MTHFD1L: variants seen among roughly 807,000 people sequenced by gnomAD.
The protein encoded by MTHFD1L is monofunctional C1-tetrahydrofolate synthase, mitochondrial.
In MTHFD1L, 81 loss-of-function variants were observed where a neutral mutation model predicts 119.5. That is an observed-to-expected ratio of 0.68 (90% CI 0.57 to 0.82). The LOEUF is 0.82. MTHFD1L is among the 40% of genes least tolerant of loss of function. The pLI, the probability that MTHFD1L is intolerant of heterozygous loss-of-function variation, is 0.00. For synonymous variants in MTHFD1L, 430 were observed against 475.2 expected (o/e 0.90, Z 1.24); for missense variants, 1,125 against 1,253.4 (o/e 0.90, Z 1.55).
intron 10 of MTHFD1L, among the ~76,000 whole-genome samples, chr6:150,924,531 C>T (rs1471020753): frequency 2.0e-5 from 3 of 152,036 alleles, no homozygotes; most frequent in Non-Finnish European, 1.5e-5. Context: ...GGCTGGAGTG[C>T]AGTGGTGCAA....
intron 26 of MTHFD1L, among the ~76,000 whole-genome samples, chr6:151,073,689 A>T (rs75705150): frequency 1.9e-4 from 3 of 16,090 alleles, no homozygotes; most frequent in South Asian, 8.5e-3. Context: ...CTGAAATGAT[A>T]AAAAAAAAAA....
At position 150,873,362 on chromosome 6, in the gene MTHFD1L, A is replaced by G. The variant is rs74295844; in HGVS notation, c.228-2728A>G. 1.3e-3 allele frequency among the ~76,000 whole-genome samples: 198 copies of G among 152,296 alleles called. 5 individuals are homozygous for G. The East Asian group carries it at 0.033, about 26-fold the overall frequency. On this transcript the variant is annotated intron_variant, in intron 1 of 27. Transcript: ENST00000367321. ...TTTCATCAACTATGAATGGATCAAG[A>G]CTATGAATGTTTCTGAGAAAATTAT...
At chr6:151,023,117 G>A (rs1784178554) in intron 24 of MTHFD1L, among the ~76,000 whole-genome samples, 1 of 151,254 alleles carries the variant, frequency 6.6e-6, no homozygotes, top group Admixed American at 6.6e-5. Context: ...CACGATCTCG[G>A]CTCACTGCAA....
intron 27 of MTHFD1L, 90 bp downstream of exon 27, chr6:151,092,677 G>A: frequency 2.8e-6 from 2 of 717,514 alleles, no homozygotes; most frequent in Non-Finnish European, 2.3e-6. Context: ...TACCACAGAA[G>A]TGATCTGATA....
intron 11 of MTHFD1L, chr6:150,935,033 A>G: frequency 6.2e-7 from 1 of 1,612,656 alleles, no homozygotes; most frequent in Non-Finnish European, 8.5e-7. Context: ...GTCCTTCCAC[A>G]TTGTTATTCT....
intron 7 of MTHFD1L, among the ~76,000 whole-genome samples, chr6:150,897,308 C>T (rs1784395171): frequency 6.6e-6 from 1 of 152,154 alleles, no homozygotes; most frequent in South Asian, 2.1e-4. Flanking sequence ...TTATGATGCC[C>T]TTCCTGTACC....
chr6:151,009,546 C>T (rs1190693754), intron 20 of MTHFD1L, among the ~76,000 whole-genome samples: 7 of 149,172 alleles, frequency 4.7e-5, no homozygotes, highest in Non-Finnish European at 1.0e-4. Context: ...AAAAAAAAAG[C>T]TTCACTGTGA....
At chr6:150,876,520 T>C (rs1238064534) in intron 2 of MTHFD1L, among the ~76,000 whole-genome samples, 2 of 152,262 alleles carry the variant, frequency 1.3e-5, no homozygotes, top group Non-Finnish European at 2.9e-5. Context: ...AGTGGCACTT[T>C]GTTTCAATGG....
intron 26 of MTHFD1L, among the ~76,000 whole-genome samples, chr6:151,073,236 T>A (rs1344752509): frequency 6.6e-6 from 1 of 152,146 alleles, no homozygotes; most frequent in Non-Finnish European, 1.5e-5. Context: ...AGAGTCCTCC[T>A]TGAGCATGCA....
rs138704207 is a variant in MTHFD1L at position 150,900,377 on chromosome 6, G to A, written c.781-5273G>A. ...ACATGGTGGTCTCCATCATCTGTTCGTTATCTCTAACCATTTAAGATTAGT... is the reference window on the plus strand; with the variant it reads ...ACATGGTGGTCTCCATCATCTGTTCATTATCTCTAACCATTTAAGATTAGT... On this transcript the variant is annotated intron_variant, in intron 7 of 27. Coordinates refer to ENST00000367321, the MANE Select transcript of MTHFD1L (RefSeq NM_015440.5). Among the ~76,000 whole-genome samples, 566 of 152,068 alleles carry A rather than the reference G, an allele frequency of 3.7e-3. 3 individuals carry two copies. The highest frequency in any genetic ancestry group is 0.011 in the African/African-American group (465 of 41,496).
chr6:151,093,635 G>A (rs191222739), intron 27 of MTHFD1L, among the ~76,000 whole-genome samples: 42 of 151,970 alleles, frequency 2.8e-4, no homozygotes, highest in African/African-American at 6.0e-4. Context: ...CAGCCTGGGC[G>A]ACAGAGCAAG....
At chr6:151,052,464 G>A (rs1185710326) in intron 26 of MTHFD1L, among the ~76,000 whole-genome samples, 1 of 152,102 alleles carries the variant, frequency 6.6e-6, no homozygotes, top group Non-Finnish European at 1.5e-5. Flanking sequence ...GGATGCCAAG[G>A]GATACAGAAG....
chr6:150,934,908 G>C, intron 11 of MTHFD1L: 1 of 1,509,594 alleles, frequency 6.6e-7, no homozygotes, highest in Non-Finnish European at 8.8e-7. Context: ...GCTACCAAGA[G>C]AAATTCTAAA....
At chr6:151,052,975 G>C (rs113625774) in intron 26 of MTHFD1L, among the ~76,000 whole-genome samples, 26 of 152,238 alleles carry the variant, frequency 1.7e-4, no homozygotes, top group African/African-American at 6.0e-4. Flanking sequence ...GTCGTGGGGT[G>C]GGTCTATACC....
chr6:150,906,102 C>T (rs1785856369), intron 8 of MTHFD1L, among the ~76,000 whole-genome samples: 1 of 152,212 alleles, frequency 6.6e-6, no homozygotes, highest in Non-Finnish European at 1.5e-5. Context: ...ACCCTTTCTT[C>T]CAAAGAAATC....
rs1475849539 is a variant in MTHFD1L, at chr6:150,865,958, C to A, written c.136C>A (p.Leu46Met). 13 of 1,246,804 alleles carry A rather than the reference C, an allele frequency of 1.0e-5. No individual in the cohort carries two copies. Among genetic ancestry groups the A allele is most frequent in the Non-Finnish European group, 1.3e-5 (13 of 999,612 alleles). The allele number at this position is 1,246,804 out of a possible 1,614,324, so 77.2% of individuals were successfully genotyped here. ...AGGCGGCGGCGGTGGCCGGGAGGGC[C>A]TGCTTGGACAGCGGCGGCCGCAGGA... ...GGGGGGGREG[L>M]LGQRRPQDGQ... Residue 46 changes from leucine (L) to methionine (M), a missense_variant, in exon 1 of 28, where the codon CTG becomes ATG. This residue lies in a region of MTHFD1L where 1,058 missense variants were observed against 1,151.2 expected (regional missense o/e 0.92). Transcript: ENST00000367321.
At chr6:150,961,865 C>T (rs1403752006) in intron 18 of MTHFD1L, among the ~76,000 whole-genome samples, 2 of 152,166 alleles carry the variant, frequency 1.3e-5, no homozygotes. Flanking sequence ...TGACATACTA[C>T]AGTTTCTGTC....
intron 24 of MTHFD1L, among the ~76,000 whole-genome samples, chr6:151,025,339 T>G (rs969080708): frequency 6.6e-6 from 1 of 152,224 alleles, no homozygotes; most frequent in Admixed American, 6.5e-5. Flanking sequence ...GGGCCTGTTG[T>G]TCTCAGTAAC....
chr6:150,932,843 G>GAAGGAAGGAAGGAAGGAAGGGAGA (rs1432193734), intron 11 of MTHFD1L, among the ~76,000 whole-genome samples: 6 of 141,876 alleles, frequency 4.2e-5, no homozygotes, highest in African/African-American at 1.7e-4. Context: ...AGGAAGGAAG[G>GAAGGAAGGAAGGAAGGAAGGGAGA]GAGAGAGAGT....
Sources: gnomAD v4.1 joint callset for allele counts (sites outside exome capture counted in the v4.1 genomes callset) on GRCh38, gnomAD v4.1.1 for gene constraint, gnomAD v4.1.1 regional missense constraint, MANE v1.5 for transcripts, NCBI Gene and HGNC (gene_info 2026-07-23, HGNC 2026-07-21) for gene names.